DPP6: variants seen among roughly 807,000 people sequenced by gnomAD.
DPP6 encodes the protein A-type potassium channel modulatory protein DPP6.
Under a neutral mutation model 122.6 loss-of-function variants are expected in DPP6, and 69 were observed. The observed-to-expected ratio is 0.56, with a 90% confidence interval of 0.46 to 0.69. The LOEUF (loss-of-function observed/expected upper bound fraction) is 0.69, where lower values mean the gene tolerates loss of function less well. Among genes scored for constraint, DPP6 ranks in the 30% least tolerant of loss-of-function variants. DPP6 has a pLI of 0.00. For synonymous variants in DPP6, 418 were observed against 433.1 expected, an observed-to-expected ratio of 0.97 and a Z score of 0.43; for missense variants, 928 against 1,116.9, an observed-to-expected ratio of 0.83 and a Z score of 2.41.
rs188104645 is a variant in DPP6 at position 154,390,581 on chromosome 7, C to T, written c.244-55633C>T. 2.8e-3 allele frequency among the ~76,000 whole-genome samples: 430 copies of T among 152,170 alleles called. 1 individual carries two copies. Among genetic ancestry groups the T allele is most frequent in the Non-Finnish European group, 5.1e-3 (345 of 68,012 alleles). ...AAAACTGTAAGACATGGGTAAGAAG[C>T]AATCATTTTCAGGGGTGAGACTGCT... On this transcript the variant is annotated intron_variant, in intron 1 of 25. Coordinates refer to ENST00000377770, the MANE Select transcript of DPP6 (RefSeq NM_130797.4).
intron 1 of DPP6, among the ~76,000 whole-genome samples, chr7:154,441,923 T>C (rs1819410393): frequency 6.6e-6 from 1 of 152,236 alleles, no homozygotes; most frequent in Non-Finnish European, 1.5e-5. Flanking sequence ...AGCTTGGTTT[T>C]AGTTCGTTGT....
At chr7:153,748,568 G>A in the DPP6 span, among the ~76,000 whole-genome samples, 1 of 73,780 alleles carries the variant, frequency 1.4e-5, no homozygotes, top group South Asian at 5.6e-4. Context: ...AAAGAGCCTA[G>A]TCCTGCGTCC....
intron 1 of DPP6, among the ~76,000 whole-genome samples, chr7:154,044,664 G>C (rs1000794353): frequency 6.6e-6 from 1 of 152,152 alleles, no homozygotes; most frequent in Non-Finnish European, 1.5e-5. Context: ...GAAATTTAGA[G>C]GGAATCTTAA....
intron 5 of DPP6, among the ~76,000 whole-genome samples, chr7:154,575,285 TGTGTATGTGTGTGGGGG>T (rs1831504169): frequency 1.4e-4 from 16 of 118,508 alleles, no homozygotes; most frequent in East Asian, 5.6e-4. Context: ...ATGTATGTGG[TGTGTATGTGTGTGGGGG>T]GTGTATGTGT....
intron 1 of DPP6, among the ~76,000 whole-genome samples, chr7:153,957,614 C>T (rs533221741): frequency 2.0e-5 from 3 of 152,272 alleles, no homozygotes; most frequent in Non-Finnish European, 2.9e-5. Context: ...TATTTTACAT[C>T]GCTAGTTTAT....
chr7:153,853,592 G>T, the DPP6 span, among the ~76,000 whole-genome samples: 59 of 152,264 alleles, frequency 3.9e-4, no homozygotes, highest in African/African-American at 1.4e-3. Flanking sequence ...AGGCCTGGAT[G>T]GAAGGCCATC....
chr7:154,499,741 C>A (rs1441551106), intron 3 of DPP6, among the ~76,000 whole-genome samples: 1 of 152,162 alleles, frequency 6.6e-6, no homozygotes. Flanking sequence ...TATATCCCCA[C>A]CACCCACCAA....
At chr7:154,167,478 T>G (rs1056137522) in intron 1 of DPP6, among the ~76,000 whole-genome samples, 7 of 152,256 alleles carry the variant, frequency 4.6e-5, no homozygotes, top group Non-Finnish European at 8.8e-5. Flanking sequence ...GTAATGCAGT[T>G]TGCCTGAGGC....
intron 1 of DPP6, among the ~76,000 whole-genome samples, chr7:154,115,506 A>T (rs1470845801): frequency 1.3e-5 from 2 of 152,152 alleles, no homozygotes; most frequent in Non-Finnish European, 2.9e-5. Flanking sequence ...TAGGGCCCTG[A>T]TGCAAAAAGC....
At chr7:154,706,547 A>T (rs1240348533) in intron 7 of DPP6, among the ~76,000 whole-genome samples, 3 of 152,198 alleles carry the variant, frequency 2.0e-5, no homozygotes, top group African/African-American at 7.2e-5. Flanking sequence ...TATGAAATGC[A>T]CAGCCTTGGG....
At chr7:154,543,918 T>C (rs1225022876) in intron 4 of DPP6, among the ~76,000 whole-genome samples, 1 of 143,956 alleles carries the variant, frequency 6.9e-6, no homozygotes, top group Non-Finnish European at 1.5e-5. Context: ...CGCTTGAACC[T>C]GAGAGTTGGA....
At chr7:154,005,872 A>G (rs1183973939) in intron 1 of DPP6, among the ~76,000 whole-genome samples, 2 of 151,964 alleles carry the variant, frequency 1.3e-5, no homozygotes, top group Admixed American at 6.6e-5. Context: ...GGCTATGGAG[A>G]TCCTGCGGGC....
intron 16 of DPP6, among the ~76,000 whole-genome samples, chr7:154,810,963 T>C (rs1363610452): frequency 6.6e-6 from 1 of 152,234 alleles, no homozygotes; most frequent in Admixed American, 6.5e-5. Flanking sequence ...CTTTCTTTTG[T>C]TGATTCAGAA....
At chr7:154,874,587 AC>A (rs1225467933) in intron 19 of DPP6, among the ~76,000 whole-genome samples, 1 of 152,160 alleles carries the variant, frequency 6.6e-6, no homozygotes, top group Non-Finnish European at 1.5e-5. Flanking sequence ...ACTCACCAGG[AC>A]CCTAAGCATG....
chr7:154,662,112 A>C (rs1837734051), intron 6 of DPP6, among the ~76,000 whole-genome samples: 1 of 149,668 alleles, frequency 6.7e-6, no homozygotes. Flanking sequence ...ACCATGGCAT[A>C]TTGGCGCTAG....
chr7:154,123,131 A>G (rs1454791130), intron 1 of DPP6, among the ~76,000 whole-genome samples: 2 of 152,212 alleles, frequency 1.3e-5, no homozygotes, highest in African/African-American at 4.8e-5. Context: ...AACAAACCAT[A>G]ATAAAGAATA....
intron 2 of DPP6, among the ~76,000 whole-genome samples, chr7:154,470,195 G>C (rs2151335634): frequency 6.6e-6 from 1 of 152,274 alleles, no homozygotes; most frequent in African/African-American, 2.4e-5. Context: ...AACACCTAGT[G>C]CTTGACATCT....
intron 7 of DPP6, among the ~76,000 whole-genome samples, chr7:154,707,638 C>T (rs1840909667): frequency 6.6e-6 from 1 of 152,120 alleles, no homozygotes; most frequent in Admixed American, 6.5e-5. Flanking sequence ...GAATCTTAAA[C>T]CTCTCATTGA....
intron 1 of DPP6, among the ~76,000 whole-genome samples, chr7:153,920,705 C>T (rs1800598117): frequency 1.3e-5 from 2 of 151,490 alleles, no homozygotes; most frequent in Admixed American, 6.6e-5. Context: ...GGATTACAAA[C>T]GTGTGCCACC....
Sources: allele counts gnomAD v4.1 joint callset (sites outside exome capture counted in the v4.1 genomes callset), GRCh38; gene constraint gnomAD v4.1.1; transcripts MANE v1.5; gene names NCBI Gene and HGNC (gene_info 2026-07-23, HGNC 2026-07-21).